The following CCDC63 variants were observed in gnomAD, a reference collection of about 807,000 sequenced individuals.
The protein encoded by CCDC63 is coiled-coil domain-containing protein 63.
In CCDC63, 54 loss-of-function variants were observed where a neutral mutation model predicts 63.6. The ratio of observed to expected loss-of-function variants is 0.85; its 90% CI spans 0.68 to 1.07. CCDC63 has a LOEUF of 1.07. Among genes scored for constraint, CCDC63 ranks in the 50% least tolerant of loss-of-function variants. The probability of loss-of-function intolerance (pLI) is 0.00; values close to 1 mark genes in which losing one functional copy is unlikely to be tolerated. For synonymous variants in CCDC63, 253 were observed against 266.1 expected, an observed-to-expected ratio of 0.95 and a Z score of 0.48; for missense variants, 637 against 689.6, an observed-to-expected ratio of 0.92 and a Z score of 0.86.
intron 9 of CCDC63, among the ~76,000 whole-genome samples, chr12:110,898,535 T>G (rs917153626): frequency 6.6e-6 from 1 of 151,296 alleles, no homozygotes; most frequent in Non-Finnish European, 1.5e-5. Context: ...TGAGAATTGC[T>G]TGAACCTGGG....
chr12:110,883,276 T>C (rs59611560), intron 7 of CCDC63, among the ~76,000 whole-genome samples: 2,655 of 152,248 alleles, frequency 0.017, 83 homozygotes, highest in African/African-American at 0.059. Flanking sequence ...GACCTCGTGA[T>C]CCACCTGCCT....
At chr12:110,866,469 T>TC (rs1401181938) in intron 4 of CCDC63, among the ~76,000 whole-genome samples, 3 of 144,742 alleles carry the variant, frequency 2.1e-5, no homozygotes, top group Admixed American at 7.0e-5. Context: ...CCTGCGGCCT[T>TC]CCGCAGTGTT....
intron 1 of CCDC63, among the ~76,000 whole-genome samples, chr12:110,852,118 A>G (rs1006897431): frequency 2.6e-5 from 4 of 152,210 alleles, no homozygotes; most frequent in Middle Eastern, 3.4e-3. Context: ...CTGAATAACT[A>G]TGGGCTAGAT....
At chr12:110,868,558 C>T (rs1267114303) in intron 4 of CCDC63, among the ~76,000 whole-genome samples, 1 of 151,480 alleles carries the variant, frequency 6.6e-6, no homozygotes, top group Admixed American at 6.6e-5. Flanking sequence ...AGCGAAACCC[C>T]GTCTCCACCA....
intron 3 of CCDC63, among the ~76,000 whole-genome samples, chr12:110,854,321 TCACTG>T (rs1166571245): frequency 6.8e-6 from 1 of 147,420 alleles, no homozygotes; most frequent in African/African-American, 2.5e-5. Context: ...AGATGGAGTT[TCACTG>T]TTGTCGCCCA....
At position 110,873,970 on chromosome 12, in the gene CCDC63, A is replaced by T. The variant is rs978117934; in HGVS notation, c.489+9A>T. ...AAACCCGTTTGAATCTCGTATGTAAAGTGTTCTCTGCAGCTCTGCAAACAG... is the reference window on the plus strand; with the variant it reads ...AAACCCGTTTGAATCTCGTATGTAATGTGTTCTCTGCAGCTCTGCAAACAG... On this transcript the variant is annotated intron_variant, in intron 5 of 11. Transcript: ENST00000308208. 1 of 1,608,630 alleles carries T rather than the reference A, an allele frequency of 6.2e-7. No homozygotes were observed. Among genetic ancestry groups the T allele is most frequent in the Non-Finnish European group, 8.5e-7 (1 of 1,177,698 alleles).
At position 110,884,125 on chromosome 12, in the gene CCDC63, G is replaced by A. The variant is rs751735991; in HGVS notation, c.949G>A (p.Gly317Arg). The change falls in exon 8 of 12, where the codon GGG (glycine) becomes AGG (arginine). Residue 317 changes from glycine (G) to arginine (R), a missense_variant. Gly to Arg is a moderately radical substitution (Grantham distance 125). Transcript: ENST00000308208. ...CCGGCTGCTGAAGCTGGCTGAGAGTGGGAACCTAAACCAGCTCATTGAAGA... is the reference window on the plus strand; with the variant it reads ...CCGGCTGCTGAAGCTGGCTGAGAGTAGGAACCTAAACCAGCTCATTGAAGA... Reference protein sequence around the residue: ...HLRLLKLAESGNLNQLIEDFL... With the variant: ...HLRLLKLAESRNLNQLIEDFL... 40 of 1,614,028 alleles carry A rather than the reference G, an allele frequency of 2.5e-5. No homozygotes were observed. The Admixed American group carries it at 6.7e-4, about 27-fold the overall frequency.
chr12:110,872,973 C>T (rs1339758886), intron 4 of CCDC63, among the ~76,000 whole-genome samples: 3 of 152,170 alleles, frequency 2.0e-5, no homozygotes, highest in Admixed American at 2.0e-4. Flanking sequence ...GTGGCTCATG[C>T]CTGTAATCCC....
At chr12:110,900,600 CTTTT>C (rs745415057) in intron 10 of CCDC63, among the ~76,000 whole-genome samples, 1 of 137,354 alleles carries the variant, frequency 7.3e-6, no homozygotes, top group Non-Finnish European at 1.6e-5. Context: ...ACCTCAGATT[CTTTT>C]TTTTTTTTTT....
Position 110,907,210 on chromosome 12 carries a change from C to A in CCDC63, c.1547-121C>A. 1.1e-6 allele frequency: 1 copy of A among 946,742 alleles called. No homozygotes were observed. Among genetic ancestry groups the A allele is most frequent in the Non-Finnish European group, 1.5e-6 (1 of 650,542 alleles). 58.6% of individuals were successfully genotyped at this position (946,742 alleles called of 1,614,324 possible). On this transcript the variant is annotated intron_variant, in intron 11 of 11. Coordinates refer to ENST00000308208, the MANE Select transcript of CCDC63 (RefSeq NM_152591.3). This position sits in a 1 kb window ranked among gnomAD's most constrained non-coding sequence, Gnocchi z 4.4. ...TATATTTCTGTTCATTCTCCCCCTC[C>A]TTGAAACCTGAGAATTTCCATGCTC...
At chr12:110,859,332 A>G (rs1378874517) in intron 4 of CCDC63, among the ~76,000 whole-genome samples, 5 of 150,954 alleles carry the variant, frequency 3.3e-5, no homozygotes, top group South Asian at 2.1e-4. Flanking sequence ...TTTTTGAAAG[A>G]GTCTTGCTCT....
intron 8 of CCDC63, among the ~76,000 whole-genome samples, chr12:110,892,403 C>A (rs911785152): frequency 2.0e-5 from 3 of 151,638 alleles, no homozygotes; most frequent in African/African-American, 7.3e-5. Flanking sequence ...TAGTGAGACC[C>A]CCCATCTCTA....
chr12:110,891,181 C>T (rs2071352058), intron 8 of CCDC63, among the ~76,000 whole-genome samples: 1 of 152,036 alleles, frequency 6.6e-6, no homozygotes, highest in South Asian at 2.1e-4. Context: ...TGTGGTGGCT[C>T]ATGCCTGCAG....
intron 4 of CCDC63, among the ~76,000 whole-genome samples, 154 bp downstream of exon 4, chr12:110,858,929 C>A (rs1016205336): frequency 2.0e-5 from 3 of 152,132 alleles, no homozygotes; most frequent in African/African-American, 7.2e-5. Flanking sequence ...TATCGTCTCG[C>A]TACCCTTGAG....
At chr12:110,876,047 A>G (rs2071125384) in intron 5 of CCDC63, among the ~76,000 whole-genome samples, 1 of 150,956 alleles carries the variant, frequency 6.6e-6, no homozygotes, top group Admixed American at 6.6e-5. Context: ...CGGAGTTTGC[A>G]GTGAGCCGAG....
chr12:110,850,110 A>G (rs61944264), intron 1 of CCDC63, among the ~76,000 whole-genome samples: 1,953 of 152,348 alleles, frequency 0.013, 16 homozygotes, highest in Admixed American at 0.018. Flanking sequence ...TAACAGCCCA[A>G]TGAGGATGTT....
At chr12:110,877,708 CT>C (rs1317962661) in intron 5 of CCDC63, among the ~76,000 whole-genome samples, 182 of 90,662 alleles carry the variant, frequency 2.0e-3, no homozygotes, top group Admixed American at 3.7e-3. Flanking sequence ...TTCTTTCTTT[CT>C]TTTTTTTTTT....
chr12:110,854,799 A>G (rs2070750825), intron 3 of CCDC63, among the ~76,000 whole-genome samples: 1 of 152,040 alleles, frequency 6.6e-6, no homozygotes, highest in South Asian at 2.1e-4. Context: ...AGGAATTTTT[A>G]TTTTTATTTT....
rs766597229 is a variant in CCDC63, at chr12:110,884,121, G to C, written c.945G>C (p.Glu315Asp). ...VAHLRLLKLAESGNLNQLIED... is the reference protein window; with the variant it reads ...VAHLRLLKLADSGNLNQLIED... The stretch of plus-strand genomic sequence containing the variant: ...ACCTCCGGCTGCTGAAGCTGGCTGA[G>C]AGTGGGAACCTAAACCAGCTCATTG... The change falls in exon 8 of 12, where the codon GAG (glutamate) becomes GAC (aspartate). Residue 315 changes from glutamate (E) to aspartate (D), a missense_variant. Glu to Asp is a conservative substitution (Grantham distance 45). Transcript: ENST00000308208. 2.5e-6 allele frequency: 4 copies of C among 1,614,192 alleles called. 1 individual carries two copies. The Admixed American group carries it at 5.0e-5, about 20-fold the overall frequency.
Sources: allele counts gnomAD v4.1 joint callset (sites outside exome capture counted in the v4.1 genomes callset), GRCh38; gene constraint gnomAD v4.1.1; non-coding constraint Gnocchi (gnomAD v3.1); transcripts MANE v1.5; gene names NCBI Gene and HGNC (gene_info 2026-07-23, HGNC 2026-07-21).